The following USP44 variants were observed in gnomAD, a reference collection of about 807,000 sequenced individuals.
USP44 encodes the protein ubiquitin specific peptidase 44, also known as ubiquitin carboxyl-terminal hydrolase 44.
In USP44, 61 loss-of-function variants were observed where a neutral mutation model predicts 69.0. That is an observed-to-expected ratio of 0.88 (90% confidence interval 0.72 to 1.09). The LOEUF (loss-of-function observed/expected upper bound fraction) is 1.09. Among genes scored for constraint, USP44 ranks in the 50% least tolerant of loss-of-function variants. The probability of loss-of-function intolerance (pLI) is 0.00; values close to 1 mark genes in which losing one functional copy is unlikely to be tolerated. For missense variants in USP44, 753 were observed against 849.9 expected (o/e 0.89, Z 1.42); for synonymous variants, 297 against 295.4 (o/e 1.01, Z -0.06).
chr12:95,517,983 C>T lies in USP44; in HGVS notation c.*171G>A. 2 of 573,778 alleles carry T rather than the reference C, an allele frequency of 3.5e-6. No individual in the cohort carries two copies. Among genetic ancestry groups the T allele is most frequent in the South Asian group, 7.5e-5 (2 of 26,770 alleles). 35.5% of individuals were successfully genotyped at this position (573,778 alleles called of 1,614,324 possible). On this transcript the variant is annotated 3_prime_UTR_variant, in exon 6 of 6. Transcript: ENST00000258499. ...ACTCCAAATATGAAAAAAGTAGTTACCTTCAGTTGATATATACATTTATAC... is the reference window on the plus strand; with the variant it reads ...ACTCCAAATATGAAAAAAGTAGTTATCTTCAGTTGATATATACATTTATAC...
Position 95,533,437 on chromosome 12 carries a change from C to T in USP44, c.820G>A (p.Gly274Arg). ...CAAGTATTTCCCAAATTTCTCAATC[C>T]TGTTACACCAGGAGTTACTATTGGC... ...RRPIVTPGVT[G>R]LRNLGNTCYM... Residue 274 changes from glycine to arginine, a missense_variant, in exon 2 of 6, where the codon GGA becomes AGA. By Grantham distance (125) the Gly-to-Arg change is moderately radical (BLOSUM62 -2). Coordinates refer to ENST00000258499, the MANE Select transcript of USP44 (RefSeq NM_032147.5). 6.2e-7 allele frequency: 1 copy of T among 1,614,088 alleles called. No individual in the cohort carries two copies. Among genetic ancestry groups the T allele is most frequent in the South Asian group, 1.1e-5 (1 of 91,070 alleles).
chr12:95,534,877 C>T lies in USP44; in HGVS notation c.-70-551G>A, dbSNP rs115545922. 9.3e-3 allele frequency among the ~76,000 whole-genome samples: 1,408 copies of T among 152,164 alleles called. 28 individuals carry two copies. Among genetic ancestry groups the T allele is most frequent in the African/African-American group, 0.032 (1,349 of 41,514 alleles). ...CGTATTTTTACTAGAGACAAGGTTT[C>T]GTCATGTTGCCCAGGCTGGTCTTGA... On this transcript the variant is annotated intron_variant, in intron 1 of 5. Transcript: ENST00000258499.
Position 95,548,840 on chromosome 12 carries a change from G to C in USP44, c.-71+2432C>G, listed in dbSNP as rs889622300. 13 of 151,946 alleles carry C rather than the reference G, an allele frequency of 8.6e-5. No individual in the cohort carries two copies. Among genetic ancestry groups the C allele is most frequent in the African/African-American group, 3.1e-4 (13 of 41,398 alleles). The allele number at this position is 151,946 out of a possible 1,614,324, so 9.4% of individuals were successfully genotyped here. A position where few individuals can be genotyped will look rare whatever the true frequency, so the allele number is the denominator to read the frequency against. The stretch of plus-strand genomic sequence containing the variant: ...CGCCCCCCGGTTCGGCGGCCGCGAC[G>C]ACCCGGTGCGGCGGCTACGACAGCC... On this transcript the variant is annotated intron_variant, in intron 1 of 5. Transcript: ENST00000258499. The surrounding 1 kb of genome is among the most constrained non-coding windows in gnomAD (Gnocchi z 4.1).
chr12:95,523,689 C>CAAAAAAAAAA (rs927669685), intron 4 of USP44, among the ~76,000 whole-genome samples: 14 of 89,174 alleles, frequency 1.6e-4, no homozygotes, highest in East Asian at 6.8e-4. Flanking sequence ...CTGTCTCTAC[C>CAAAAAAAAAA]AAAAAAAAAA....
intron 1 of USP44, chr12:95,546,519 CTG>C (rs2077576075): frequency 6.6e-6 from 1 of 152,196 alleles, no homozygotes; most frequent in Non-Finnish European, 1.5e-5. Context: ...AATAGCAAAA[CTG>C]TCCCCCGTTA....
intron 1 of USP44, among the ~76,000 whole-genome samples, chr12:95,536,781 C>T (rs903427001): frequency 6.6e-6 from 1 of 152,144 alleles, no homozygotes; most frequent in African/African-American, 2.4e-5. Flanking sequence ...TGCATCTAGA[C>T]CTAAACAACC....
At chr12:95,543,017 G>A (rs528919332) in intron 1 of USP44, among the ~76,000 whole-genome samples, 149 of 151,598 alleles carry the variant, frequency 9.8e-4, no homozygotes, top group Non-Finnish European at 1.6e-3. Flanking sequence ...GAACCCGGGA[G>A]GCGGAGCTTG....
Position 95,521,039 on chromosome 12 carries a change from C to G in USP44, c.1897G>C (p.Gly633Arg). The change falls in exon 5 of 6, where the codon GGC (glycine) becomes CGC (arginine). Residue 633 changes from glycine to arginine, a missense_variant. Physicochemically the swap from Gly to Arg is moderately radical, Grantham distance 125 (BLOSUM62 -2). Coordinates refer to ENST00000258499, the MANE Select transcript of USP44 (RefSeq NM_032147.5). ...CAGTAGGCAGTGTAGTGCCCTGAGC[C>G]AAATCCTTTCCCATGGTGCATCACC... is the stretch of plus-strand genomic sequence containing the variant. The part of the protein sequence containing the change: ...AVVMHHGKGF[G>R]SGHYTAYCYN... 6.2e-7 allele frequency: 1 copy of G among 1,614,210 alleles called. No individual in the cohort carries two copies.
Position 95,517,095 on chromosome 12 carries a change from A to C in USP44, c.*1059T>G, listed in dbSNP as rs2076496116. 1 of 143,572 alleles carries C rather than the reference A, an allele frequency of 7.0e-6. No individual in the cohort carries two copies. The highest frequency in any genetic ancestry group is 1.5e-5 in the Non-Finnish European group (1 of 65,856). The allele number at this position is 143,572 out of a possible 1,614,324, so 8.9% of individuals were successfully genotyped here. A position where few individuals can be genotyped will look rare whatever the true frequency, so the allele number is the denominator to read the frequency against. On this transcript the variant is annotated 3_prime_UTR_variant, in exon 6 of 6. Coordinates refer to ENST00000258499, the MANE Select transcript of USP44 (RefSeq NM_032147.5). ...GTGCAAGTTTAGATAGATAGCTTTTAGTTTTTTTTTTTTTTTTTAATGCTC... is the reference window on the plus strand; with the variant it reads ...GTGCAAGTTTAGATAGATAGCTTTTCGTTTTTTTTTTTTTTTTTAATGCTC...
At chr12:95,539,683 T>C (rs1209157411) in intron 1 of USP44, among the ~76,000 whole-genome samples, 1 of 152,226 alleles carries the variant, frequency 6.6e-6, no homozygotes, top group African/African-American at 2.4e-5. Flanking sequence ...CTTCATACTT[T>C]TCACACCTAT....
intron 3 of USP44, 96 bp from the exon 4 acceptor site, chr12:95,524,884 G>C: frequency 9.1e-7 from 1 of 1,103,868 alleles, no homozygotes; most frequent in Non-Finnish European, 1.3e-6. Context: ...GAAATGAAAA[G>C]TATGTACTGT....
At chr12:95,544,725 G>T (rs895159466) in intron 1 of USP44, among the ~76,000 whole-genome samples, 1 of 152,118 alleles carries the variant, frequency 6.6e-6, no homozygotes, top group African/African-American at 2.4e-5. Context: ...TCTGTATAGT[G>T]TGGAAAAATA....
chr12:95,523,109 CA>C (rs1555197074), intron 4 of USP44, among the ~76,000 whole-genome samples: 1 of 152,164 alleles, frequency 6.6e-6, no homozygotes, highest in Non-Finnish European at 1.5e-5. Context: ...CCCCTTCCCA[CA>C]AGCCATGCCC....
chr12:95,522,985 G>A (rs1430468403), intron 4 of USP44, among the ~76,000 whole-genome samples: 1 of 152,084 alleles, frequency 6.6e-6, no homozygotes, highest in Non-Finnish European at 1.5e-5. Context: ...TCATGCCTAT[G>A]TACTGAAGCC....
chr12:95,531,221 C>CA lies in USP44; in HGVS notation c.1428+1607dup, dbSNP rs796280147. 6.7e-4 allele frequency among the ~76,000 whole-genome samples: 101 copies of CA among 150,084 alleles called. 1 individual carries two copies. The South Asian group carries it at 0.011, about 16-fold the overall frequency. ...ATGATGTTAAATAGCAGACATATAC[C>CA]AAAAAAAACACACAAAAAAATTATG... is the stretch of plus-strand genomic sequence containing the variant. On this transcript the variant is annotated intron_variant, in intron 2 of 5. Transcript: ENST00000258499.
chr12:95,550,183 GA>G (rs570350053), intron 1 of USP44, among the ~76,000 whole-genome samples: 6,507 of 93,356 alleles, frequency 0.07, 183 homozygotes, highest in African/African-American at 0.1. Flanking sequence ...CTCCGTCTCA[GA>G]AAAAAAAAAA....
chr12:95,546,015 AGTTGAACAC>A (rs896961196), intron 1 of USP44, among the ~76,000 whole-genome samples: 25 of 152,196 alleles, frequency 1.6e-4, no homozygotes, highest in Non-Finnish European at 1.3e-4. Context: ...GATTGAATCT[AGTTGAACAC>A]GTTGTAAGAT....
At chr12:95,527,836 C>CTTCTTTTTT (rs1555198851) in intron 3 of USP44, among the ~76,000 whole-genome samples, 2 of 54,836 alleles carry the variant, frequency 3.6e-5, no homozygotes. Flanking sequence ...GAGGAAGATG[C>CTTCTTTTTT]TTTTTTTTTT....
chr12:95,550,319 G>A (rs554055396), intron 1 of USP44, among the ~76,000 whole-genome samples: 2 of 151,804 alleles, frequency 1.3e-5, no homozygotes, highest in South Asian at 4.2e-4. Context: ...GGTTACAACT[G>A]CATAAAATGT....
Sources: gnomAD v4.1 joint callset for allele counts (sites outside exome capture counted in the v4.1 genomes callset) on GRCh38, gnomAD v4.1.1 for gene constraint, Gnocchi (gnomAD v3.1) non-coding constraint, MANE v1.5 for transcripts, NCBI Gene and HGNC (gene_info 2026-07-23, HGNC 2026-07-21) for gene names.